FBXL17: variants seen among roughly 807,000 people sequenced by gnomAD.
The protein encoded by FBXL17 is F-box and leucine rich repeat protein 17.
FBXL17 carries 22 observed loss-of-function variants against 66.2 expected under a neutral mutation model. The ratio of observed to expected loss-of-function variants is 0.33; its 90% CI spans 0.24 to 0.47. FBXL17 has a LOEUF of 0.47. FBXL17 is among the 20% of genes least tolerant of loss of function. The pLI is 1.00. For synonymous variants in FBXL17, 474 were observed against 400.5 expected, an observed-to-expected ratio of 1.18 and a Z score of -2.19; for missense variants, 878 against 948.2, an observed-to-expected ratio of 0.93 and a Z score of 0.97.
chr5:108,041,677 C>T (rs1305233131), intron 6 of FBXL17, among the ~76,000 whole-genome samples: 1 of 152,180 alleles, frequency 6.6e-6, no homozygotes, highest in Non-Finnish European at 1.5e-5. Context: ...CTGGGCCTCA[C>T]AAAGTGCTGA....
At chr5:108,181,918 T>C (rs967578902) in intron 6 of FBXL17, among the ~76,000 whole-genome samples, 1 of 152,080 alleles carries the variant, frequency 6.6e-6, no homozygotes, top group Admixed American at 6.6e-5. Flanking sequence ...GAAAAATACA[T>C]CCACTGAAAA....
At chr5:108,167,584 T>C (rs935321808) in intron 6 of FBXL17, among the ~76,000 whole-genome samples, 1 of 152,320 alleles carries the variant, frequency 6.6e-6, no homozygotes. Flanking sequence ...CAGGGTAATT[T>C]ATGTAATTGC....
intron 6 of FBXL17, among the ~76,000 whole-genome samples, chr5:108,055,297 A>C (rs1478981263): frequency 1.6e-4 from 5 of 31,956 alleles, no homozygotes; most frequent in African/African-American, 6.4e-4. Context: ...AAAAAAAAAA[A>C]AAAAAAAAAA....
chr5:107,929,493 T>G (rs186342164), intron 7 of FBXL17, among the ~76,000 whole-genome samples: 60 of 152,228 alleles, frequency 3.9e-4, no homozygotes, highest in African/African-American at 1.4e-3. Flanking sequence ...AATAGTAAAA[T>G]AAAAATACTT....
chr5:108,239,156 G>A lies in FBXL17; in HGVS notation c.1507-14928C>T, dbSNP rs148763532. Among the ~76,000 whole-genome samples the A allele has an allele frequency of 1.2e-4, 19 of 152,218 alleles. No homozygotes were observed. The East Asian group carries it at 3.7e-3, about 29-fold the overall frequency. On this transcript the variant is annotated intron_variant, in intron 4 of 8. Transcript: ENST00000542267. ...CTGTAGGAGGCAGAGCAAGATGGCT[G>A]AGTAGAACCTGCCTGCAATTATCCT...
chr5:108,159,835 C>T (rs893394940), intron 6 of FBXL17, among the ~76,000 whole-genome samples: 2 of 152,012 alleles, frequency 1.3e-5, no homozygotes, highest in African/African-American at 2.4e-5. Context: ...ATGTCTTTTA[C>T]GAGCCAAAAT....
intron 7 of FBXL17, among the ~76,000 whole-genome samples, chr5:108,012,968 C>T (rs745481807): frequency 4.2e-5 from 6 of 141,588 alleles, no homozygotes; most frequent in South Asian, 2.2e-4. Flanking sequence ...CAGCCAAGAT[C>T]GCACCATTGC....
At chr5:108,374,725 G>A (rs1171322905) in intron 1 of FBXL17, among the ~76,000 whole-genome samples, 1 of 151,690 alleles carries the variant, frequency 6.6e-6, no homozygotes, top group African/African-American at 2.4e-5. Flanking sequence ...GAAAGAGGAG[G>A]GGAAATCACT....
intron 7 of FBXL17, among the ~76,000 whole-genome samples, chr5:107,999,597 C>A (rs1461197022): frequency 6.6e-6 from 1 of 150,974 alleles, no homozygotes; most frequent in African/African-American, 2.4e-5. Context: ...CTGCTTCTTG[C>A]AATTCTTCCC....
Position 108,257,805 on chromosome 5 carries a change from T to A in FBXL17, c.1507-33577A>T, listed in dbSNP as rs970089961. Among the ~76,000 whole-genome samples, 3 of 152,078 alleles carry A rather than the reference T, an allele frequency of 2.0e-5. No homozygotes were observed. The South Asian group carries it at 6.2e-4, about 32-fold the overall frequency. On this transcript the variant is annotated intron_variant, in intron 4 of 8. Transcript: ENST00000542267. ...TGATCTTAAATTGTTCACATACATA[T>A]TGTATTATAATTTTTTTGAAAGAAA... is the stretch of plus-strand genomic sequence containing the variant.
chr5:108,333,219 G>T (rs1760216070), intron 4 of FBXL17, among the ~76,000 whole-genome samples: 3 of 147,834 alleles, frequency 2.0e-5, no homozygotes, highest in South Asian at 4.3e-4. Flanking sequence ...TATATTTATA[G>T]CTAACAGTAG....
At chr5:108,105,093 G>A (rs11747222) in intron 6 of FBXL17, among the ~76,000 whole-genome samples, 4 of 152,162 alleles carry the variant, frequency 2.6e-5, no homozygotes, top group East Asian at 3.9e-4. Flanking sequence ...CGCCCGCCTC[G>A]GCCTCCCGAA....
At chr5:108,107,941 C>T (rs1749875270) in intron 6 of FBXL17, among the ~76,000 whole-genome samples, 1 of 152,100 alleles carries the variant, frequency 6.6e-6, no homozygotes, top group South Asian at 2.1e-4. Context: ...CTATTAAGGC[C>T]CAATATAATC....
intron 6 of FBXL17, among the ~76,000 whole-genome samples, chr5:108,078,353 C>T (rs758548540): frequency 9.2e-5 from 14 of 152,152 alleles, no homozygotes; most frequent in Non-Finnish European, 1.6e-4. Context: ...AAGGTATCAG[C>T]TTGGTTGTCA....
At chr5:108,058,396 C>A (rs561782289) in intron 6 of FBXL17, among the ~76,000 whole-genome samples, 3,076 of 151,496 alleles carry the variant, frequency 0.02, 48 homozygotes, top group Middle Eastern at 0.031. Context: ...TGGATTCTTT[C>A]TTTCCTTCTT....
intron 6 of FBXL17, among the ~76,000 whole-genome samples, chr5:108,077,150 G>T (rs531549568): frequency 6.6e-6 from 1 of 152,280 alleles, no homozygotes; most frequent in African/African-American, 2.4e-5. Context: ...TGACTTCCTA[G>T]CCTCACTGAT....
intron 6 of FBXL17, among the ~76,000 whole-genome samples, chr5:108,110,054 A>G (rs1749970841): frequency 6.6e-6 from 1 of 152,138 alleles, no homozygotes; most frequent in Non-Finnish European, 1.5e-5. Context: ...AGTGATTAAG[A>G]TCATAGCCTA....
At chr5:108,184,088 A>T (rs1006858465) in intron 6 of FBXL17, among the ~76,000 whole-genome samples, 3 of 152,130 alleles carry the variant, frequency 2.0e-5, no homozygotes, top group African/African-American at 4.8e-5. Flanking sequence ...AATGGAGTCT[A>T]CATGGTTTTA....
At chr5:107,984,125 G>C (rs987290031) in intron 7 of FBXL17, among the ~76,000 whole-genome samples, 6 of 152,036 alleles carry the variant, frequency 3.9e-5, no homozygotes, top group African/African-American at 1.4e-4. Context: ...ATTTCTACTG[G>C]TAAGGTTTTT....
Sources: allele counts gnomAD v4.1 joint callset (sites outside exome capture counted in the v4.1 genomes callset), GRCh38; gene constraint gnomAD v4.1.1; transcripts MANE v1.5; gene names NCBI Gene and HGNC (gene_info 2026-07-23, HGNC 2026-07-21).